KIAA1217: variants seen among roughly 807,000 people sequenced by gnomAD.
KIAA1217 encodes KIAA1217.
A neutral mutation model predicts 163.9 loss-of-function variants in KIAA1217; 88 were observed. The ratio of observed to expected loss-of-function variants is 0.54; its 90% CI spans 0.45 to 0.64. The LOEUF (loss-of-function observed/expected upper bound fraction) is 0.64, where lower values mean the gene tolerates loss of function less well. Ranked by LOEUF, KIAA1217 falls within the 30% of genes least tolerant of loss-of-function variation. The probability of loss-of-function intolerance (pLI) is 0.00; values close to 1 mark genes in which losing one functional copy is unlikely to be tolerated. For synonymous variants in KIAA1217, 903 were observed against 923.1 expected (o/e 0.98, Z 0.39); for missense variants, 2,372 against 2,475.0 (o/e 0.96, Z 0.88).
rs1847014546 is a variant in KIAA1217 at position 24,006,693 on chromosome 10, C to G, written c.-320-532C>G. The stretch of plus-strand genomic sequence containing the variant: ...TGGGCAATTCATGTTCACCAATGTT[C>G]CAGGCTCTCCTACCTGTCCTTACTC... On this transcript the variant is annotated intron_variant, in intron 1 of 18. Transcript: ENST00000376462. 2.0e-5 allele frequency among the ~76,000 whole-genome samples: 3 copies of G among 152,164 alleles called. No individual in the cohort carries two copies. In the South Asian group the frequency reaches 6.2e-4, roughly 32 times the overall value.
At chr10:24,203,949 C>T (rs2067407049), upstream of KIAA1217, among the ~76,000 whole-genome samples, 1 of 152,244 alleles carries the variant, frequency 6.6e-6, no homozygotes, top group Non-Finnish European at 1.5e-5. Context: ...GCTCTGGCCA[C>T]AGTGCTGTGC....
chr10:24,386,097 G>C (rs2053969715), intron 3 of KIAA1217, among the ~76,000 whole-genome samples: 1 of 152,204 alleles, frequency 6.6e-6, no homozygotes. Context: ...GATGCAGACA[G>C]ATTCCTTTGT....
At chr10:23,944,559 G>A (rs771794891) in intron 1 of KIAA1217, among the ~76,000 whole-genome samples, 1 of 151,916 alleles carries the variant, frequency 6.6e-6, no homozygotes, top group African/African-American at 2.4e-5. Flanking sequence ...TACAAATAAT[G>A]ATAAACATGT....
intron 2 of KIAA1217, among the ~76,000 whole-genome samples, chr10:24,320,364 G>A (rs371067641): frequency 3.3e-5 from 5 of 152,298 alleles, no homozygotes; most frequent in African/African-American, 1.2e-4. Flanking sequence ...TACTTTCTCC[G>A]CAGTCTGTTG....
chr10:24,545,755 G>A, intron 20 of KIAA1217, 72 bp from the exon 21 acceptor site: 1 of 1,526,056 alleles, frequency 6.6e-7, no homozygotes, highest in Non-Finnish European at 8.8e-7. Flanking sequence ...GAAGGGCTGT[G>A]TTGCCAGGCC....
chr10:24,253,590 A>T lies in KIAA1217; in HGVS notation c.354+33681A>T, dbSNP rs1138002. Among the ~76,000 whole-genome samples the T allele has an allele frequency of 1.6e-3, 242 of 152,120 alleles. 1 individual carries two copies. Among genetic ancestry groups the T allele is most frequent in the African/African-American group, 5.5e-3 (227 of 41,478 alleles). On this transcript the variant is annotated intron_variant, in intron 2 of 20. Transcript: ENST00000376454. ...TACTAAAATGTTTACTCCTTAGCCC[A>T]GTGTGTAGGCATGTGCCTGTAATCC...
At chr10:24,448,840 G>A (rs950666155) in intron 5 of KIAA1217, among the ~76,000 whole-genome samples, 2 of 152,116 alleles carry the variant, frequency 1.3e-5, no homozygotes, top group African/African-American at 2.4e-5. Flanking sequence ...CCTTCCTCTG[G>A]TCTCAGCTCT....
At chr10:24,191,356 A>G (rs1564809620) in intron 2 of KIAA1217, among the ~76,000 whole-genome samples, 1 of 152,214 alleles carries the variant, frequency 6.6e-6, no homozygotes, top group African/African-American at 2.4e-5. Context: ...GGAGAGTTAT[A>G]TAAGGTTTGG....
At chr10:24,077,354 A>C (rs763469398) in intron 2 of KIAA1217, among the ~76,000 whole-genome samples, 16 of 151,970 alleles carry the variant, frequency 1.1e-4, no homozygotes, top group Non-Finnish European at 2.1e-4. Context: ...TCCACCCTCA[A>C]ACAGGCCCCA....
chr10:24,508,638 T>G (rs2068683442), intron 9 of KIAA1217, among the ~76,000 whole-genome samples: 1 of 152,172 alleles, frequency 6.6e-6, no homozygotes, highest in Non-Finnish European at 1.5e-5. Flanking sequence ...TTGAGCAAGA[T>G]CACAAGAATC....
intron 2 of KIAA1217, among the ~76,000 whole-genome samples, chr10:24,170,313 G>C (rs748189452): frequency 1.3e-5 from 2 of 152,232 alleles, no homozygotes; most frequent in African/African-American, 2.4e-5. Context: ...GGGACTCCCA[G>C]GGGAAGCTGG....
intron 2 of KIAA1217, among the ~76,000 whole-genome samples, chr10:24,352,397 T>C (rs220352): frequency 0.022 from 3,297 of 152,334 alleles, 56 homozygotes; most frequent in Non-Finnish European, 0.033. Flanking sequence ...ATACTTTAGG[T>C]GGAAACTTAA....
intron 1 of KIAA1217, among the ~76,000 whole-genome samples, chr10:23,698,283 T>G (rs1199282161): frequency 6.6e-6 from 1 of 152,200 alleles, no homozygotes; most frequent in African/African-American, 2.4e-5. Flanking sequence ...ATTTAAGACA[T>G]CAGAGCTCTA....
intron 1 of KIAA1217, among the ~76,000 whole-genome samples, chr10:24,209,720 T>C (rs2130599351): frequency 6.6e-6 from 1 of 152,254 alleles, no homozygotes; most frequent in African/African-American, 2.4e-5. Context: ...ATTTTAGAGT[T>C]AAATCACAGA....
Position 23,816,525 on chromosome 10 carries a change from G to A in KIAA1217, c.-321+121291G>A, listed in dbSNP as rs117122469. The stretch of plus-strand genomic sequence containing the variant: ...CCAGTCTTGTCTCAAACTCCTGGCC[G>A]GGTGCGGTGGCTCATGCTATAATCC... On this transcript the variant is annotated intron_variant, in intron 1 of 18. Transcript: ENST00000376462. Among the ~76,000 whole-genome samples, 190 of 152,156 alleles carry A rather than the reference G, an allele frequency of 1.2e-3. 13 individuals are homozygous for A. In the East Asian group the frequency reaches 0.028, roughly 23 times the overall value.
At chr10:23,784,077 A>G (rs568353462) in intron 1 of KIAA1217, among the ~76,000 whole-genome samples, 97 of 151,590 alleles carry the variant, frequency 6.4e-4, no homozygotes, top group Non-Finnish European at 9.7e-4. Flanking sequence ...ATTGCTGTCT[A>G]TTTCTCCCTT....
intron 1 of KIAA1217, among the ~76,000 whole-genome samples, chr10:23,826,871 T>A (rs1483184422): frequency 6.6e-6 from 1 of 152,200 alleles, no homozygotes; most frequent in East Asian, 1.9e-4. Context: ...TCCAACTCAC[T>A]CATGGTTGTT....
chr10:24,192,775 G>A (rs1056634913), intron 2 of KIAA1217, among the ~76,000 whole-genome samples: 1 of 152,148 alleles, frequency 6.6e-6, no homozygotes, highest in Non-Finnish European at 1.5e-5. Context: ...ATGTTATTTG[G>A]TGTTTCTTTA....
chr10:23,705,433 G>A (rs552967613), intron 1 of KIAA1217, among the ~76,000 whole-genome samples: 28 of 152,120 alleles, frequency 1.8e-4, no homozygotes, highest in Non-Finnish European at 7.4e-5. Context: ...TTTTGTATAT[G>A]GTGTGAGGAA....
Sources: allele counts gnomAD v4.1 joint callset (sites outside exome capture counted in the v4.1 genomes callset), GRCh38; gene constraint gnomAD v4.1.1; transcripts MANE v1.5; gene names NCBI Gene and HGNC (gene_info 2026-07-23, HGNC 2026-07-21).